The following NEO1 variants were observed in gnomAD, a reference collection of about 807,000 sequenced individuals.
The protein encoded by NEO1 is neogenin.
Under a neutral mutation model 159.7 loss-of-function variants are expected in NEO1, and 63 were observed. That is an observed-to-expected ratio of 0.39 (90% confidence interval 0.32 to 0.49). NEO1 has a LOEUF of 0.49. NEO1 is among the 20% of genes least tolerant of loss of function. NEO1 has a pLI of 0.85. For missense variants in NEO1, 1,615 were observed against 1,831.0 expected (o/e 0.88, Z 2.15); for synonymous variants, 633 against 662.0 (o/e 0.96, Z 0.67).
intron 1 of NEO1, among the ~76,000 whole-genome samples, chr15:73,094,069 T>C (rs919699138): frequency 2.0e-5 from 3 of 152,256 alleles, no homozygotes; most frequent in African/African-American, 7.2e-5. Flanking sequence ...TATAACTATT[T>C]TTTTTAATTG....
In NEO1 at chr15:73,247,004, A is replaced by G. The variant is rs573554157; in HGVS notation, c.1607-2056A>G. On this transcript the variant is annotated intron_variant, in intron 9 of 28. Transcript: ENST00000261908. ...GAGCTTACGGTCTGGTACCATAGAC[A>G]ACAGTGTGATGTGTTATCACCTTAA... is the stretch of plus-strand genomic sequence containing the variant. Among the ~76,000 whole-genome samples the G allele has an allele frequency of 3.3e-5, 5 of 152,346 alleles. No homozygotes were observed. In the South Asian group the frequency reaches 8.3e-4, roughly 25 times the overall value.
At chr15:73,176,758 A>G (rs908457365) in intron 6 of NEO1, among the ~76,000 whole-genome samples, 8 of 152,212 alleles carry the variant, frequency 5.3e-5, no homozygotes, top group African/African-American at 1.9e-4. Flanking sequence ...GTAAGATCAC[A>G]TAGCAAGTCA....
intron 1 of NEO1, among the ~76,000 whole-genome samples, chr15:73,107,952 C>T (rs904712730): frequency 1.3e-5 from 2 of 152,076 alleles, no homozygotes; most frequent in South Asian, 2.1e-4. Flanking sequence ...GAGGCTAAGG[C>T]GGGAGGATGA....
chr15:73,130,070 A>T (rs539229048), intron 4 of NEO1, among the ~76,000 whole-genome samples: 22 of 152,168 alleles, frequency 1.4e-4, no homozygotes, highest in African/African-American at 5.1e-4. Flanking sequence ...ATCTCAGTTC[A>T]CTGCAGCCTC....
intron 23 of NEO1, among the ~76,000 whole-genome samples, chr15:73,285,706 G>A (rs2041918811): frequency 6.6e-6 from 1 of 152,108 alleles, no homozygotes; most frequent in Admixed American, 6.6e-5. Flanking sequence ...CTAAACCCTC[G>A]TTGGTTCTCA....
At chr15:73,280,859 G>C (rs905290067) in intron 22 of NEO1, among the ~76,000 whole-genome samples, 3 of 152,094 alleles carry the variant, frequency 2.0e-5, no homozygotes, top group African/African-American at 7.2e-5. Context: ...TGGAGGGTCA[G>C]TTAATCCGGC....
chr15:73,160,453 T>C (rs920548381), intron 5 of NEO1, among the ~76,000 whole-genome samples: 1 of 152,186 alleles, frequency 6.6e-6, no homozygotes, highest in African/African-American at 2.4e-5. Flanking sequence ...TGTAGAGATA[T>C]GGCACTGGAG....
intron 7 of NEO1, among the ~76,000 whole-genome samples, chr15:73,226,921 T>C (rs760951239): frequency 4.6e-5 from 7 of 152,210 alleles, no homozygotes; most frequent in Non-Finnish European, 8.8e-5. Flanking sequence ...ATGTACCTAC[T>C]CACAGCTGTA....
At chr15:73,269,928 T>G in intron 16 of NEO1, 82 bp from the exon 17 acceptor site, 1 of 1,078,010 alleles carries the variant, frequency 9.3e-7, no homozygotes, top group Non-Finnish European at 1.4e-6. Flanking sequence ...TTCATTCCAT[T>G]ATATTACCCT....
At chr15:73,118,099 G>T (rs905489068) in intron 2 of NEO1, among the ~76,000 whole-genome samples, 2 of 151,968 alleles carry the variant, frequency 1.3e-5, no homozygotes, top group Admixed American at 6.6e-5. Flanking sequence ...CTTTATTCAT[G>T]GGCTCCTTCC....
At chr15:73,125,292 C>G (rs2030044242) in intron 3 of NEO1, among the ~76,000 whole-genome samples, 1 of 152,172 alleles carries the variant, frequency 6.6e-6, no homozygotes, top group Non-Finnish European at 1.5e-5. Flanking sequence ...TAATGTCAGT[C>G]ATAGAAATAT....
intron 25 of NEO1, among the ~76,000 whole-genome samples, chr15:73,289,700 T>C (rs1463211970): frequency 6.6e-6 from 1 of 152,178 alleles, no homozygotes; most frequent in Admixed American, 6.5e-5. Flanking sequence ...CCTAGAGTTT[T>C]GGGAGACCAA....
intron 11 of NEO1, among the ~76,000 whole-genome samples, chr15:73,250,775 G>GT (rs1381182346): frequency 6.6e-6 from 1 of 152,046 alleles, no homozygotes; most frequent in East Asian, 1.9e-4. Context: ...AATAAAATAT[G>GT]TATGATCTTT....
chr15:73,077,356 A>G (rs977831660), intron 1 of NEO1, among the ~76,000 whole-genome samples: 1 of 152,182 alleles, frequency 6.6e-6, no homozygotes, highest in Non-Finnish European at 1.5e-5. Context: ...TCATAACTAC[A>G]TTCTAATTGA....
intron 16 of NEO1, among the ~76,000 whole-genome samples, chr15:73,266,943 T>C (rs2040929111): frequency 6.6e-6 from 1 of 152,184 alleles, no homozygotes; most frequent in Non-Finnish European, 1.5e-5. Context: ...ATTCATTGTT[T>C]TTCTTTGAAT....
intron 1 of NEO1, among the ~76,000 whole-genome samples, chr15:73,071,374 GAA>G (rs1208839945): frequency 1.3e-5 from 2 of 152,160 alleles, no homozygotes; most frequent in African/African-American, 4.8e-5. Flanking sequence ...TAAAGTTTGA[GAA>G]ACATTTTCTA....
rs543682186 is a variant in NEO1 at position 73,081,840 on chromosome 15, A to G, written c.130+29035A>G. 6.4e-4 allele frequency among the ~76,000 whole-genome samples: 96 copies of G among 149,516 alleles called. No homozygotes were observed. The Middle Eastern group carries it at 0.011, about 17-fold the overall frequency. Reference sequence around the variant, plus strand: ...CCAAAGTGCTGGCATTACAGGTATGAGCCACCACACCCAGCCAAATACTAG... The same window carrying G: ...CCAAAGTGCTGGCATTACAGGTATGGGCCACCACACCCAGCCAAATACTAG... On this transcript the variant is annotated intron_variant, in intron 1 of 28. Coordinates refer to ENST00000261908, the MANE Select transcript of NEO1 (RefSeq NM_002499.4).
intron 1 of NEO1, among the ~76,000 whole-genome samples, chr15:73,095,348 G>A (rs1199248172): frequency 2.6e-5 from 4 of 151,966 alleles, no homozygotes; most frequent in South Asian, 2.1e-4. Context: ...GAGAATTTGC[G>A]ACAGCAACTG....
At chr15:73,285,353 C>G (rs942007149) in intron 23 of NEO1, among the ~76,000 whole-genome samples, 1 of 152,174 alleles carries the variant, frequency 6.6e-6, no homozygotes, top group African/African-American at 2.4e-5. Context: ...CTCCTGACCT[C>G]AAGTGATCTG....
Sources: gnomAD v4.1 joint callset for allele counts (sites outside exome capture counted in the v4.1 genomes callset) on GRCh38, gnomAD v4.1.1 for gene constraint, MANE v1.5 for transcripts, NCBI Gene and HGNC (gene_info 2026-07-23, HGNC 2026-07-21) for gene names.